EFEMP1: variants seen among roughly 807,000 people sequenced by gnomAD.
EFEMP1 encodes EGF-containing fibulin-like extracellular matrix protein 1.
A neutral mutation model predicts 65.7 loss-of-function variants in EFEMP1; 18 were observed. The ratio of observed to expected loss-of-function variants is 0.27; its 90% CI spans 0.19 to 0.41. The LOEUF (loss-of-function observed/expected upper bound fraction) is 0.41. Among genes scored for constraint, EFEMP1 ranks in the 10% least tolerant of loss-of-function variants. The probability of loss-of-function intolerance (pLI) is 1.00; values close to 1 mark genes in which losing one functional copy is unlikely to be tolerated. For synonymous variants in EFEMP1, 237 were observed against 219.7 expected (o/e 1.08, Z -0.70); for missense variants, 469 against 624.8 (o/e 0.75, Z 2.66).
rs1476167893 is a variant in EFEMP1, at chr2:55,866,461, T to C, written c.*612A>G. 1.3e-5 allele frequency: 2 copies of C among 152,322 alleles called. No homozygotes were observed. Among genetic ancestry groups the C allele is most frequent in the African/African-American group, 2.4e-5 (1 of 41,444 alleles). 9.4% of individuals were successfully genotyped at this position (152,322 alleles called of 1,614,324 possible). On this transcript the variant is annotated 3_prime_UTR_variant, in exon 12 of 12. Coordinates refer to ENST00000355426, the MANE Select transcript of EFEMP1 (RefSeq NM_001039348.3). ...ATTTTGCTTACTGTTTTTTACAAAATATTCACAATCTAAAATTTCTGACAA... is the reference window on the plus strand; with the variant it reads ...ATTTTGCTTACTGTTTTTTACAAAACATTCACAATCTAAAATTTCTGACAA...
chr2:55,881,664 G>T lies in EFEMP1; in HGVS notation c.588C>A (p.Ser196=). 1 of 1,613,962 alleles carries T rather than the reference G, an allele frequency of 6.2e-7. No homozygotes were observed. The highest frequency in any genetic ancestry group is 8.5e-7 in the Non-Finnish European group (1 of 1,179,920). ...ADQVCINLRG[S]FACQCPPGYQ... The stretch of plus-strand genomic sequence containing the variant: ...ATCCAGGAGGGCACTGACATGCAAA[G>T]GATCCCCGTAAATTGATGCACACTT... The change falls in exon 6 of 12, where the codon TCC becomes TCA. Residue 196 remains serine, a synonymous_variant. Coordinates refer to ENST00000355426, the MANE Select transcript of EFEMP1 (RefSeq NM_001039348.3).
At chr2:55,892,444 G>T (rs764716417) in intron 5 of EFEMP1, among the ~76,000 whole-genome samples, 2 of 151,924 alleles carry the variant, frequency 1.3e-5, no homozygotes, top group Non-Finnish European at 2.9e-5. Context: ...ATTTCTTCTT[G>T]CGTCCTTTTT....
chr2:55,878,617 G>C (rs2104386714), intron 6 of EFEMP1, among the ~76,000 whole-genome samples: 1 of 152,208 alleles, frequency 6.6e-6, no homozygotes, highest in Non-Finnish European at 1.5e-5. Context: ...CAACCATTAT[G>C]CATATACAAT....
rs10204969 is a variant in EFEMP1 at position 55,917,303 on chromosome 2, A to G, written c.517+362T>C. ...ACCTCTGGTTCTCAAACTTGGCCGC[A>G]CATGAGGAACTGAAAAAAAAGCCGA... On this transcript the variant is annotated intron_variant, in intron 5 of 11. Coordinates refer to ENST00000355426, the MANE Select transcript of EFEMP1 (RefSeq NM_001039348.3). This position sits in a 1 kb window ranked among gnomAD's most constrained non-coding sequence, Gnocchi z 6.3. Among the ~76,000 whole-genome samples the G allele has an allele frequency of 8.7e-3, 1,320 of 152,260 alleles. 27 individuals carry two copies. The highest frequency in any genetic ancestry group is 0.031 in the African/African-American group (1,290 of 41,554).
chr2:55,892,895 T>C (rs1327665448), intron 5 of EFEMP1, among the ~76,000 whole-genome samples: 1 of 152,188 alleles, frequency 6.6e-6, no homozygotes, highest in African/African-American at 2.4e-5. Context: ...GGTTACTGTA[T>C]GGAGCACATC....
intron 5 of EFEMP1, among the ~76,000 whole-genome samples, chr2:55,896,422 C>CTGCAACTATA (rs1669833064): frequency 6.6e-6 from 1 of 152,148 alleles, no homozygotes; most frequent in African/African-American, 2.4e-5. Context: ...CAGTTATATT[C>CTGCAACTATA]TATGTGGAGA....
At chr2:55,872,786 A>G (rs1365608361) in intron 9 of EFEMP1, among the ~76,000 whole-genome samples, 2 of 152,108 alleles carry the variant, frequency 1.3e-5, no homozygotes, top group Non-Finnish European at 2.9e-5. Flanking sequence ...GATTCTTCAA[A>G]TGAAATCACA....
chr2:55,915,993 C>T (rs998140144), intron 5 of EFEMP1, among the ~76,000 whole-genome samples: 1 of 152,114 alleles, frequency 6.6e-6, no homozygotes, highest in Non-Finnish European at 1.5e-5. Context: ...TAATACGATG[C>T]ACCCTCTGAA....
intron 5 of EFEMP1, among the ~76,000 whole-genome samples, chr2:55,916,191 C>A (rs1322214409): frequency 6.7e-6 from 1 of 149,668 alleles, no homozygotes; most frequent in Non-Finnish European, 1.5e-5. Flanking sequence ...CTCACTGCAA[C>A]CTTCACCTCC....
chr2:55,915,874 A>G (rs1670657866), intron 5 of EFEMP1, among the ~76,000 whole-genome samples: 1 of 152,136 alleles, frequency 6.6e-6, no homozygotes, highest in Non-Finnish European at 1.5e-5. Flanking sequence ...TCATCATTTT[A>G]TCTCCTTGAC....
rs1384762297 is a variant in EFEMP1, at chr2:55,923,288, CGGCCT to C, written c.-48-354_-48-350del. 6.6e-6 allele frequency among the ~76,000 whole-genome samples: 1 copy of C among 152,166 alleles called. No homozygotes were observed. The highest frequency in any genetic ancestry group is 1.5e-5 in the Non-Finnish European group (1 of 68,042). ...GCCCAAGGTACCAGTTTCGGGCGGG[CGGCCT>C]GGCCCGGCAGGGAGATGAGGTCCCC... is the stretch of plus-strand genomic sequence containing the variant. On this transcript the variant is annotated intron_variant, in intron 1 of 11. Coordinates refer to ENST00000355426, the MANE Select transcript of EFEMP1 (RefSeq NM_001039348.3). The surrounding 1 kb of genome is among the most constrained non-coding windows in gnomAD (Gnocchi z 5.3).
chr2:55,909,564 G>A (rs1181387889), intron 5 of EFEMP1, among the ~76,000 whole-genome samples: 4 of 152,094 alleles, frequency 2.6e-5, no homozygotes, highest in African/African-American at 9.7e-5. Flanking sequence ...TATTTCCTCT[G>A]ATATTTGGAT....
rs199564083 is a variant in EFEMP1, at chr2:55,870,696, T to C, written c.1320+24A>G. 6.2e-7 allele frequency: 1 copy of C among 1,612,696 alleles called. No homozygotes were observed. The highest frequency in any genetic ancestry group is 2.2e-5 in the East Asian group (1 of 44,860). On this transcript the variant is annotated intron_variant, in intron 11 of 11. Transcript: ENST00000355426. The surrounding 1 kb of genome is among the most constrained non-coding windows in gnomAD (Gnocchi z 5.8). ...ACAAACTCCCATCTTTCTCAATAGT[T>C]AAGGCTGCCTTCAGGATACTTACTC...
chr2:55,902,424 T>C lies in EFEMP1; in HGVS notation c.517+15241A>G, dbSNP rs577909715. Among the ~76,000 whole-genome samples the C allele has an allele frequency of 5.6e-4, 85 of 152,368 alleles. No homozygotes were observed. In the South Asian group the frequency reaches 0.017, roughly 31 times the overall value. On this transcript the variant is annotated intron_variant, in intron 5 of 11. Coordinates refer to ENST00000355426, the MANE Select transcript of EFEMP1 (RefSeq NM_001039348.3). ...AAGAATCAAGAACATAACAAAGGGC[T>C]GGTCACATTTAGTGCTGGCACCTTT...
chr2:55,887,720 T>A (rs926928576), intron 5 of EFEMP1, among the ~76,000 whole-genome samples: 1 of 152,244 alleles, frequency 6.6e-6, no homozygotes, highest in Non-Finnish European at 1.5e-5. Flanking sequence ...AGATTGTTAA[T>A]AATTTGGTGT....
At chr2:55,869,674 T>G (rs1668725806) in intron 11 of EFEMP1, among the ~76,000 whole-genome samples, 1 of 152,158 alleles carries the variant, frequency 6.6e-6, no homozygotes, top group African/African-American at 2.4e-5. Flanking sequence ...TAATTCATAT[T>G]CTCAAAATGA....
intron 5 of EFEMP1, among the ~76,000 whole-genome samples, chr2:55,910,161 A>G (rs1249233974): frequency 6.6e-6 from 1 of 152,188 alleles, no homozygotes. Flanking sequence ...AGTTATGCTA[A>G]CAGCTCAGCA....
Position 55,922,501 on chromosome 2 carries a change from A to G in EFEMP1, c.-7-54T>C. ...TTTAGTATCTGCTGCGGGGAAAGTA[A>G]CAAAACTTTAGCAGTGAGCACAAGC... On this transcript the variant is annotated intron_variant, in intron 2 of 11. Coordinates refer to ENST00000355426, the MANE Select transcript of EFEMP1 (RefSeq NM_001039348.3). The surrounding 1 kb of genome is among the most constrained non-coding windows in gnomAD (Gnocchi z 5.5). 2.0e-6 allele frequency: 3 copies of G among 1,537,544 alleles called. No individual in the cohort carries two copies. The highest frequency in any genetic ancestry group is 1.7e-4 in the Middle Eastern group (1 of 5,886).
At position 55,917,081 on chromosome 2, in the gene EFEMP1, T is replaced by C. The variant is rs1670722518; in HGVS notation, c.517+584A>G. Among the ~76,000 whole-genome samples the C allele has an allele frequency of 1.3e-5, 2 of 152,186 alleles. No individual in the cohort carries two copies. The highest frequency in any genetic ancestry group is 4.1e-4 in the South Asian group (2 of 4,824). ...AGAAGCAGGAGCCCCATTTCTTTAC[T>C]CCTGAATGAGGAAAATAAGTCTGTG... On this transcript the variant is annotated intron_variant, in intron 5 of 11. Transcript: ENST00000355426. The surrounding 1 kb of genome is among the most constrained non-coding windows in gnomAD (Gnocchi z 6.3).
Sources: gnomAD v4.1 joint callset for allele counts (sites outside exome capture counted in the v4.1 genomes callset) on GRCh38, gnomAD v4.1.1 for gene constraint, Gnocchi (gnomAD v3.1) non-coding constraint, MANE v1.5 for transcripts, NCBI Gene and HGNC (gene_info 2026-07-23, HGNC 2026-07-21) for gene names.